ARHGEF4: variants seen among roughly 807,000 people sequenced by gnomAD.
The protein encoded by ARHGEF4 is Rho guanine nucleotide exchange factor 4, also known as APC-stimulated guanine nucleotide exchange factor 1.
Under a neutral mutation model 162.0 loss-of-function variants are expected in ARHGEF4, and 119 were observed. The observed-to-expected ratio is 0.73, with a 90% CI of 0.63 to 0.86. ARHGEF4 has a LOEUF of 0.86. ARHGEF4 is among the 40% of genes least tolerant of loss of function. The pLI is 0.00. For missense variants in ARHGEF4, 2,488 were observed against 2,456.0 expected (o/e 1.01, Z -0.28); for synonymous variants, 1,014 against 979.9 (o/e 1.03, Z -0.65).
chr2:131,026,697 C>T (rs1247101549), intron 4 of ARHGEF4, among the ~76,000 whole-genome samples: 1 of 152,196 alleles, frequency 6.6e-6, no homozygotes, highest in Non-Finnish European at 1.5e-5. Context: ...GATACCATTT[C>T]ATACCCATTA....
At position 131,041,363 on chromosome 2, in the gene ARHGEF4, A is replaced by G. The variant is rs1690799973; in HGVS notation, c.4796A>G (p.Asp1599Gly). ...EACRLLQKMI[D>G]ISLDGFLLTP... Reference sequence around the variant, plus strand: ...TGCCGGCTGCTGCAGAAGATGATTGACATCTCCCTGGATGGCTTCCTGCTG... The same window carrying G: ...TGCCGGCTGCTGCAGAAGATGATTGGCATCTCCCTGGATGGCTTCCTGCTG... The change falls in exon 9 of 14, where the codon GAC becomes GGC. Residue 1599 changes from aspartate (D) to glycine (G), a missense_variant. By Grantham distance (94) the Asp-to-Gly change is moderately conservative. Around this residue, in one of 6 missense-constraint regions of ARHGEF4, gnomAD observed 415 missense variants for 512.4 expected, o/e 0.81. Transcript: ENST00000409359. The G allele has an allele frequency of 1.2e-6, 2 of 1,613,414 alleles. No homozygotes were observed. Among genetic ancestry groups the G allele is most frequent in the Admixed American group, 1.7e-5 (1 of 60,004 alleles).
chr2:130,926,048 C>CTTTCTTTCTCTCTCTCTCTTTCTT, intron 2 of ARHGEF4, among the ~76,000 whole-genome samples: 6 of 53,412 alleles, frequency 1.1e-4, no homozygotes, highest in African/African-American at 3.7e-4. Flanking sequence ...TTCTTTCTTT[C>CTTTCTTTCTCTCTCTCTCTTTCTT]TCTTTCTTTC....
At chr2:130,867,666 A>G (rs1190827432) in intron 1 of ARHGEF4, among the ~76,000 whole-genome samples, 2 of 152,220 alleles carry the variant, frequency 1.3e-5, no homozygotes, top group Admixed American at 6.5e-5. Context: ...TCTGAGTGTC[A>G]TGAGTCCCTT....
At chr2:130,962,750 T>G (rs759929061) in intron 4 of ARHGEF4, among the ~76,000 whole-genome samples, 101 of 151,994 alleles carry the variant, frequency 6.6e-4, no homozygotes, top group East Asian at 3.9e-4. Context: ...CTTCTGCTGC[T>G]TACACTAGAA....
At chr2:130,862,796 C>T (rs1682025431) in intron 1 of ARHGEF4, among the ~76,000 whole-genome samples, 1 of 95,196 alleles carries the variant, frequency 1.1e-5, no homozygotes, top group African/African-American at 8.3e-5. Flanking sequence ...ACTCAGGAAG[C>T]GGAGGTTGCA....
At chr2:130,913,951 C>A in intron 1 of ARHGEF4, 35 bp from the exon 2 acceptor site, 2 of 1,535,514 alleles carry the variant, frequency 1.3e-6, no homozygotes, top group South Asian at 1.2e-5. Context: ...TGTACTCAGG[C>A]CTTGTCTCTG....
At chr2:130,906,329 C>G (rs552939983) in intron 1 of ARHGEF4, among the ~76,000 whole-genome samples, 35 of 152,250 alleles carry the variant, frequency 2.3e-4, no homozygotes, top group African/African-American at 7.9e-4. Flanking sequence ...GATAAACATA[C>G]GTTGTATATA....
chr2:130,988,885 T>TAG (rs1686714619), intron 4 of ARHGEF4, among the ~76,000 whole-genome samples: 1 of 97,846 alleles, frequency 1.0e-5, no homozygotes, highest in Non-Finnish European at 2.2e-5. Flanking sequence ...TATATATATA[T>TAG]ATATATATAT....
chr2:130,914,061 C>A lies in ARHGEF4; in HGVS notation c.115C>A (p.Gln39Lys). 1 of 1,536,126 alleles carries A rather than the reference C, an allele frequency of 6.5e-7. No individual in the cohort carries two copies. The highest frequency in any genetic ancestry group is 8.7e-7 in the Non-Finnish European group (1 of 1,146,914). The change falls in exon 2 of 14, where the codon CAA (glutamine) becomes AAA (lysine). Residue 39 changes from glutamine to lysine, a missense_variant. By Grantham distance (53) the Gln-to-Lys change is moderately conservative. Coordinates refer to ENST00000409359, the MANE Select transcript of ARHGEF4 (RefSeq NM_001367493.1). ...CCAGCTCCCCACATCCCCTGCAGAA[C>A]AAGTGGAGCAGGGATGGAACCAGCA... Reference protein sequence around the residue: ...DNQLPTSPAEQVEQGWNQQTD... With the variant: ...DNQLPTSPAEKVEQGWNQQTD...
chr2:130,917,851 C>G (rs1009606911), intron 2 of ARHGEF4, among the ~76,000 whole-genome samples: 14 of 133,228 alleles, frequency 1.1e-4, no homozygotes, highest in African/African-American at 4.0e-4. Flanking sequence ...GAGACGGAGT[C>G]TCGCTCTGTC....
chr2:130,945,713 G>C (rs538421982), intron 3 of ARHGEF4, among the ~76,000 whole-genome samples: 1 of 152,266 alleles, frequency 6.6e-6, no homozygotes, highest in East Asian at 1.9e-4. Context: ...TCTACCTGCT[G>C]CTGTTTCCCT....
rs367565299 is a variant in ARHGEF4, at chr2:131,012,639, G to T, written c.3986-15306G>T. Reference sequence around the variant, plus strand: ...TCTTCTGCCCAGGCTGAAGTGCAGTGGTGTAAACTTGGCTCACTGCAACCT... The same window carrying T: ...TCTTCTGCCCAGGCTGAAGTGCAGTTGTGTAAACTTGGCTCACTGCAACCT... On this transcript the variant is annotated intron_variant, in intron 4 of 13. Transcript: ENST00000409359. 1.1e-4 allele frequency among the ~76,000 whole-genome samples: 16 copies of T among 152,264 alleles called. No individual in the cohort carries two copies. In the East Asian group the frequency reaches 1.2e-3, roughly 11 times the overall value.
At position 131,037,040 on chromosome 2, in the gene ARHGEF4, G is replaced by C. The variant is rs77982819; in HGVS notation, c.4126-1813G>C. On this transcript the variant is annotated intron_variant, in intron 5 of 13. Coordinates refer to ENST00000409359, the MANE Select transcript of ARHGEF4 (RefSeq NM_001367493.1). Reference sequence around the variant, plus strand: ...AGGCCACCTGCAGAAGGTCTTTGTGGCTGGGAATGAGAGCAGTGGCCCCCT... The same window carrying C: ...AGGCCACCTGCAGAAGGTCTTTGTGCCTGGGAATGAGAGCAGTGGCCCCCT... Among the ~76,000 whole-genome samples the C allele has an allele frequency of 7.2e-5, 11 of 152,300 alleles. No individual in the cohort carries two copies. In the East Asian group the frequency reaches 2.1e-3, roughly 29 times the overall value.
intron 1 of ARHGEF4, among the ~76,000 whole-genome samples, chr2:130,877,594 G>C (rs76273883): frequency 0.021 from 3,155 of 152,198 alleles, 89 homozygotes; most frequent in East Asian, 0.12. Flanking sequence ...AGGCTGCAGT[G>C]AGCTATGATG....
At chr2:131,011,216 C>T (rs1019543273) in intron 4 of ARHGEF4, among the ~76,000 whole-genome samples, 5 of 152,160 alleles carry the variant, frequency 3.3e-5, no homozygotes, top group Non-Finnish European at 4.4e-5. Flanking sequence ...GATAGTAAAA[C>T]AAAATAGTCC....
intron 3 of ARHGEF4, among the ~76,000 whole-genome samples, chr2:130,943,795 A>G (rs1056836183): frequency 2.6e-5 from 4 of 152,204 alleles, no homozygotes; most frequent in African/African-American, 9.6e-5. Context: ...AGATAATATT[A>G]TAATTTTGTG....
chr2:130,982,812 T>C (rs1432959298), intron 4 of ARHGEF4, among the ~76,000 whole-genome samples: 1 of 152,202 alleles, frequency 6.6e-6, no homozygotes, highest in African/African-American at 2.4e-5. Flanking sequence ...TTTAAAGGTG[T>C]AATTTGAACT....
At chr2:130,843,996 G>T (rs1680777287) in intron 1 of ARHGEF4, among the ~76,000 whole-genome samples, 1 of 152,136 alleles carries the variant, frequency 6.6e-6, no homozygotes, top group Non-Finnish European at 1.5e-5. Context: ...TCCTCCCACT[G>T]GCTTCAGTCA....
intron 1 of ARHGEF4, among the ~76,000 whole-genome samples, chr2:130,843,089 T>C (rs1680714307): frequency 6.6e-6 from 1 of 152,198 alleles, no homozygotes; most frequent in African/African-American, 2.4e-5. Context: ...ATCTGCCTCC[T>C]TTCTATTTTC....
Sources: allele counts gnomAD v4.1 joint callset (sites outside exome capture counted in the v4.1 genomes callset), GRCh38; gene constraint gnomAD v4.1.1; regional missense constraint gnomAD v4.1.1; transcripts MANE v1.5; gene names NCBI Gene and HGNC (gene_info 2026-07-23, HGNC 2026-07-21).